ERC1: variants seen among roughly 807,000 people sequenced by gnomAD.
The protein encoded by ERC1 is RAB6 interacting protein 2.
ERC1 carries 56 observed loss-of-function variants against 132.0 expected under a neutral mutation model. That is an observed-to-expected ratio of 0.42 (90% CI 0.34 to 0.53). The LOEUF is 0.53. Among genes scored for constraint, ERC1 ranks in the 20% least tolerant of loss-of-function variants. ERC1 has a pLI of 0.03. For missense variants in ERC1, 1,202 were observed against 1,349.9 expected, an observed-to-expected ratio of 0.89 and a Z score of 1.72; for synonymous variants, 478 against 476.1, an observed-to-expected ratio of 1.00 and a Z score of -0.05.
intron 14 of ERC1, among the ~76,000 whole-genome samples, chr12:1,286,655 A>G (rs1328823219): frequency 1.3e-5 from 2 of 152,196 alleles, no homozygotes; most frequent in African/African-American, 4.8e-5. Flanking sequence ...GAAAACTACC[A>G]TATTTGTCTA....
intron 2 of ERC1, among the ~76,000 whole-genome samples, chr12:1,071,379 A>C (rs1319544068): frequency 6.6e-6 from 1 of 152,032 alleles, no homozygotes; most frequent in Non-Finnish European, 1.5e-5. Context: ...GTGATATCTT[A>C]TTGTGGTTTT....
chr12:1,067,949 T>C (rs1222682783), intron 2 of ERC1, among the ~76,000 whole-genome samples: 1 of 147,794 alleles, frequency 6.8e-6, no homozygotes, highest in Non-Finnish European at 1.5e-5. Flanking sequence ...TTTTTTTCCT[T>C]CTGAGACAGA....
At chr12:1,091,132 G>T (rs141058042) in intron 3 of ERC1, among the ~76,000 whole-genome samples, 1 of 152,112 alleles carries the variant, frequency 6.6e-6, no homozygotes, top group African/African-American at 2.4e-5. Context: ...CAGGTGATCT[G>T]CCTGACTCGG....
At position 1,475,863 on chromosome 12, in the gene ERC1, G is replaced by T. The variant is rs796361869; in HGVS notation, c.3214-14230G>T. The stretch of plus-strand genomic sequence containing the variant: ...TGAAAAAACTAGGCTAGATGTGGTG[G>T]CTCACACCTGTAATTTCAACATTAT... On this transcript the variant is annotated intron_variant, in intron 18 of 18. Coordinates refer to ENST00000360905, the MANE Select transcript of ERC1 (RefSeq NM_178040.4). 1.6e-4 allele frequency among the ~76,000 whole-genome samples: 25 copies of T among 152,096 alleles called. 1 individual carries two copies. The highest frequency in any genetic ancestry group is 5.8e-4 in the African/African-American group (24 of 41,482).
At position 1,490,685 on chromosome 12, in the gene ERC1, C is replaced by T. The variant is rs1464883354; in HGVS notation, c.*455C>T. 7 of 234,922 alleles carry T rather than the reference C, an allele frequency of 3.0e-5. No individual in the cohort carries two copies. The highest frequency in any genetic ancestry group is 5.0e-5 in the Non-Finnish European group (6 of 119,366). 14.6% of individuals were successfully genotyped at this position (234,922 alleles called of 1,614,324 possible). ...TCTAATATCACAATAGGTGCTTTCT[C>T]CTAAAAGGGCAAAAAACAATCTCAA... On this transcript the variant is annotated 3_prime_UTR_variant, in exon 19 of 19. Coordinates refer to ENST00000360905, the MANE Select transcript of ERC1 (RefSeq NM_178040.4).
At chr12:1,334,615 G>T (rs1003531412) in intron 15 of ERC1, among the ~76,000 whole-genome samples, 1 of 152,136 alleles carries the variant, frequency 6.6e-6, no homozygotes, top group Admixed American at 6.5e-5. Flanking sequence ...CAGTTACCAG[G>T]CTGTTTTGGT....
chr12:1,018,438 C>T (rs1283581853), intron 1 of ERC1, among the ~76,000 whole-genome samples: 4 of 152,226 alleles, frequency 2.6e-5, no homozygotes, highest in Non-Finnish European at 4.4e-5. Flanking sequence ...TGGTCTCGAA[C>T]TCCTGACCTC....
chr12:1,142,323 T>C (rs1377596371), intron 8 of ERC1, among the ~76,000 whole-genome samples: 2 of 152,236 alleles, frequency 1.3e-5, no homozygotes, highest in African/African-American at 4.8e-5. Context: ...TTCCAAGGGT[T>C]TCTTCATTGT....
chr12:1,382,089 G>A (rs1011589436), intron 16 of ERC1, among the ~76,000 whole-genome samples: 2 of 152,062 alleles, frequency 1.3e-5, no homozygotes, highest in South Asian at 2.1e-4. Context: ...TATGTATAGC[G>A]TGGTACAATA....
At chr12:1,196,464 G>C (rs966749230) in intron 12 of ERC1, among the ~76,000 whole-genome samples, 11 of 151,166 alleles carry the variant, frequency 7.3e-5, no homozygotes, top group African/African-American at 2.2e-4. Context: ...TTTTGGGTTG[G>C]GGGGGTATGT....
At position 1,494,844 on chromosome 12, in the gene ERC1, T is replaced by A. The variant is rs1157105501; in HGVS notation, c.*4614T>A. On this transcript the variant is annotated 3_prime_UTR_variant, in exon 19 of 19. Transcript: ENST00000360905. ...GCTGTGTTTTAAAAATGCAAACCAA[T>A]ATCTTGTTAATAAAGGAATTCAAGC... 4.3e-6 allele frequency: 1 copy of A among 230,078 alleles called. No homozygotes were observed. Among genetic ancestry groups the A allele is most frequent in the African/African-American group, 2.2e-5 (1 of 45,170 alleles). 14.3% of individuals were successfully genotyped at this position (230,078 alleles called of 1,614,324 possible). A position where few individuals can be genotyped will look rare whatever the true frequency, so the allele number is the denominator to read the frequency against.
intron 12 of ERC1, among the ~76,000 whole-genome samples, chr12:1,193,114 C>G (rs887910784): frequency 6.6e-6 from 1 of 152,108 alleles, no homozygotes; most frequent in Non-Finnish European, 1.5e-5. Flanking sequence ...ATAAAAGGAT[C>G]TCCAATATTA....
intron 2 of ERC1, among the ~76,000 whole-genome samples, chr12:1,049,945 G>T (rs1187791084): frequency 6.6e-6 from 1 of 152,040 alleles, no homozygotes; most frequent in East Asian, 1.9e-4. Flanking sequence ...GTTTTACCAT[G>T]TTGGCCAGGC....
intron 7 of ERC1, among the ~76,000 whole-genome samples, chr12:1,129,387 G>A (rs1948534885): frequency 6.6e-6 from 1 of 152,124 alleles, no homozygotes; most frequent in African/African-American, 2.4e-5. Flanking sequence ...TACCAGGTGT[G>A]GTGTGTACAT....
intron 13 of ERC1, among the ~76,000 whole-genome samples, chr12:1,250,501 C>G (rs2076406379): frequency 6.6e-6 from 1 of 152,012 alleles, no homozygotes; most frequent in Non-Finnish European, 1.5e-5. Context: ...TTCTTAAACA[C>G]TGTTTTGCAT....
chr12:1,376,953 C>T (rs969889174), intron 16 of ERC1, among the ~76,000 whole-genome samples: 1 of 152,158 alleles, frequency 6.6e-6, no homozygotes, highest in Non-Finnish European at 1.5e-5. Flanking sequence ...AGCACTACTT[C>T]CTTGAGATGA....
intron 2 of ERC1, among the ~76,000 whole-genome samples, chr12:1,038,001 C>T (rs112153755): frequency 0.084 from 12,656 of 150,810 alleles, 715 homozygotes; most frequent in South Asian, 0.18. Context: ...CCCGAGATTG[C>T]GCCACTGCAC....
At chr12:1,289,091 A>G (rs1192199560) in intron 14 of ERC1, among the ~76,000 whole-genome samples, 1 of 103,200 alleles carries the variant, frequency 9.7e-6, no homozygotes, top group African/African-American at 4.6e-5. Context: ...ATGTACACAC[A>G]CACACACACA....
At chr12:1,213,139 A>C (rs1309713516) in intron 12 of ERC1, among the ~76,000 whole-genome samples, 3 of 151,920 alleles carry the variant, frequency 2.0e-5, no homozygotes, top group African/African-American at 7.3e-5. Flanking sequence ...TTTCTGACCT[A>C]CCGGTATTTT....
Sources: gnomAD v4.1 joint callset for allele counts (sites outside exome capture counted in the v4.1 genomes callset) on GRCh38, gnomAD v4.1.1 for gene constraint, MANE v1.5 for transcripts, NCBI Gene and HGNC (gene_info 2026-07-23, HGNC 2026-07-21) for gene names.